The following SLC16A7 variants were observed in gnomAD, a reference collection of about 807,000 sequenced individuals.
The protein encoded by SLC16A7 is solute carrier family 16 member 7.
Under a neutral mutation model 34.9 loss-of-function variants are expected in SLC16A7, and 33 were observed. The ratio of observed to expected loss-of-function variants is 0.94; its 90% CI spans 0.72 to 1.26. The LOEUF (loss-of-function observed/expected upper bound fraction) is 1.26, where lower values mean the gene tolerates loss of function less well. Among genes scored for constraint, SLC16A7 ranks in the 50% most tolerant of loss-of-function variants. SLC16A7 has a pLI of 0.00. For synonymous variants in SLC16A7, 201 were observed against 206.6 expected (o/e 0.97, Z 0.23); for missense variants, 573 against 578.1 (o/e 0.99, Z 0.09).
At position 59,781,543 on chromosome 12, in the gene SLC16A7, A is replaced by T. The variant is rs539996408; in HGVS notation, c.*1864A>T. On this transcript the variant is annotated 3_prime_UTR_variant, in exon 6 of 6. Coordinates refer to ENST00000547379, the MANE Select transcript of SLC16A7 (RefSeq NM_001270623.2). ...TCATTTAACATTTGCTCTTTTGCATATGAAGAGATATTTGTATTTTTCAAA... is the reference window on the plus strand; with the variant it reads ...TCATTTAACATTTGCTCTTTTGCATTTGAAGAGATATTTGTATTTTTCAAA... 8.0e-4 allele frequency: 122 copies of T among 152,704 alleles called. No individual in the cohort carries two copies. Among genetic ancestry groups the T allele is most frequent in the African/African-American group, 2.9e-3 (121 of 41,578 alleles). The allele number at this position is 152,704 out of a possible 1,614,324, so 9.5% of individuals were successfully genotyped here. A position where few individuals can be genotyped will look rare whatever the true frequency, so the allele number is the denominator to read the frequency against.
chr12:59,739,700 C>A (rs971530146), intron 3 of SLC16A7, among the ~76,000 whole-genome samples: 2 of 152,052 alleles, frequency 1.3e-5, no homozygotes, highest in South Asian at 2.1e-4. Context: ...TCCTCTCCAG[C>A]ACCTGTTGTT....
Position 59,780,626 on chromosome 12 carries a change from TTTA to T in SLC16A7, c.*950_*952del, listed in dbSNP as rs1883177645. ...AATCCAGAAAGTAATAATCAGGGATTTTATTTTAATCAGGCATCAATCCAGATT... is the reference window on the plus strand; with the variant it reads ...AATCCAGAAAGTAATAATCAGGGATTTTTTAATCAGGCATCAATCCAGATT... On this transcript the variant is annotated 3_prime_UTR_variant, in exon 6 of 6. Transcript: ENST00000547379. 6.6e-6 allele frequency: 1 copy of T among 152,166 alleles called. No individual in the cohort carries two copies. The highest frequency in any genetic ancestry group is 1.5e-5 in the Non-Finnish European group (1 of 68,016). 9.4% of individuals were successfully genotyped at this position (152,166 alleles called of 1,614,324 possible).
chr12:59,665,842 G>C (rs1351945943), intron 2 of SLC16A7, among the ~76,000 whole-genome samples: 1 of 148,970 alleles, frequency 6.7e-6, no homozygotes, highest in East Asian at 2.0e-4. Context: ...GTGTGTGTGT[G>C]TCTATGTGTG....
chr12:59,748,573 A>C (rs919918606), intron 3 of SLC16A7, among the ~76,000 whole-genome samples: 1 of 152,216 alleles, frequency 6.6e-6, no homozygotes, highest in Non-Finnish European at 1.5e-5. Context: ...CACGGGACCC[A>C]TACAAAGTTG....
chr12:59,772,503 T>C (rs762969977), intron 4 of SLC16A7, among the ~76,000 whole-genome samples: 1 of 151,832 alleles, frequency 6.6e-6, no homozygotes, highest in Non-Finnish European at 1.5e-5. Context: ...AGAATTGTAT[T>C]CCTTTGGCTC....
chr12:59,738,915 T>A (rs978799376), intron 3 of SLC16A7, among the ~76,000 whole-genome samples: 1 of 151,692 alleles, frequency 6.6e-6, no homozygotes, highest in Non-Finnish European at 1.5e-5. Flanking sequence ...ACTTACCCAT[T>A]TATCTATGGA....
At position 59,607,145 on chromosome 12, in the gene SLC16A7, C is replaced by T. The variant is rs116814734; in HGVS notation, c.-130+10909C>T. 8.3e-3 allele frequency among the ~76,000 whole-genome samples: 1,259 copies of T among 151,924 alleles called. 15 individuals carry two copies. Among genetic ancestry groups the T allele is most frequent in the African/African-American group, 0.029 (1,210 of 41,350 alleles). On this transcript the variant is annotated intron_variant, in intron 1 of 5. Coordinates refer to ENST00000547379, the MANE Select transcript of SLC16A7 (RefSeq NM_001270623.2). ...CTGCAAAACCTGACAGTTTTACTATCGCACTTTAGAGAAAAAAAAAATTAT... is the reference window on the plus strand; with the variant it reads ...CTGCAAAACCTGACAGTTTTACTATTGCACTTTAGAGAAAAAAAAAATTAT...
Position 59,632,520 on chromosome 12 carries a change from G to A in SLC16A7, c.-129-22632G>A, listed in dbSNP as rs184432960. ...ATTTAAGGAGGCATTCATTCTTTGG[G>A]GCTCATAAATTTTAATCCTGTACTT... On this transcript the variant is annotated intron_variant, in intron 1 of 5. Transcript: ENST00000547379. Among the ~76,000 whole-genome samples the A allele has an allele frequency of 4.6e-5, 7 of 151,894 alleles. No homozygotes were observed. In the East Asian group the frequency reaches 1.4e-3, roughly 30 times the overall value.
At chr12:59,761,179 T>A in intron 3 of SLC16A7, 1 of 1,280,764 alleles carries the variant, frequency 7.8e-7, no homozygotes, top group Non-Finnish European at 1.0e-6. Flanking sequence ...CAGTGCAGCT[T>A]TACTCAATCA....
rs962804935 is a variant in SLC16A7 at position 59,780,673 on chromosome 12, T to C, written c.*994T>C. 2.6e-5 allele frequency: 4 copies of C among 152,146 alleles called. No individual in the cohort carries two copies. Among genetic ancestry groups the C allele is most frequent in the Admixed American group, 1.3e-4 (2 of 15,254 alleles). 9.4% of individuals were successfully genotyped at this position (152,146 alleles called of 1,614,324 possible). ...CCAGATTCACTGTTATACTGAAATA[T>C]CAAAGTAAAATCCTAGTTGGCAGGA... is the stretch of plus-strand genomic sequence containing the variant. On this transcript the variant is annotated 3_prime_UTR_variant, in exon 6 of 6. Coordinates refer to ENST00000547379, the MANE Select transcript of SLC16A7 (RefSeq NM_001270623.2).
At chr12:59,651,060 A>G (rs1868334805) in intron 1 of SLC16A7, among the ~76,000 whole-genome samples, 1 of 152,146 alleles carries the variant, frequency 6.6e-6, no homozygotes, top group East Asian at 1.9e-4. Flanking sequence ...AAGGTGATAA[A>G]CTGAGCATGG....
intron 1 of SLC16A7, among the ~76,000 whole-genome samples, chr12:59,630,629 C>A (rs1221682491): frequency 6.6e-6 from 1 of 151,858 alleles, no homozygotes; most frequent in Non-Finnish European, 1.5e-5. Flanking sequence ...AGTCAAATTG[C>A]ACTATGAGAA....
intron 3 of SLC16A7, among the ~76,000 whole-genome samples, chr12:59,730,559 A>G (rs750934707): frequency 1.1e-4 from 16 of 152,178 alleles, no homozygotes; most frequent in Middle Eastern, 6.3e-3. Flanking sequence ...TATGTAATGA[A>G]CAAAGGAAAT....
chr12:59,637,371 A>G (rs1288760998), intron 1 of SLC16A7, among the ~76,000 whole-genome samples: 1 of 151,722 alleles, frequency 6.6e-6, no homozygotes, highest in Non-Finnish European at 1.5e-5. Flanking sequence ...AAATCTAATA[A>G]TCTGATATTT....
At chr12:59,774,575 A>G in intron 4 of SLC16A7, 82 bp from the exon 5 acceptor site, 1 of 790,714 alleles carries the variant, frequency 1.3e-6, no homozygotes, top group African/African-American at 1.7e-5. Flanking sequence ...TCCCACTTGA[A>G]TGTACATTTT....
At chr12:59,689,069 T>G (rs1039870320) in intron 2 of SLC16A7, among the ~76,000 whole-genome samples, 1 of 152,058 alleles carries the variant, frequency 6.6e-6, no homozygotes, top group African/African-American at 2.4e-5. Context: ...GGAATTATGC[T>G]ATCATACAGG....
intron 2 of SLC16A7, among the ~76,000 whole-genome samples, chr12:59,662,824 T>A (rs1267339735): frequency 6.6e-6 from 1 of 152,140 alleles, no homozygotes; most frequent in African/African-American, 2.4e-5. Context: ...CAAACATTAA[T>A]CCATAATTTG....
intron 1 of SLC16A7, among the ~76,000 whole-genome samples, chr12:59,616,965 A>G (rs1178153074): frequency 2.6e-5 from 4 of 152,124 alleles, no homozygotes; most frequent in African/African-American, 9.7e-5. Flanking sequence ...GTTATATGTT[A>G]TAGCGTAAAT....
chr12:59,747,619 A>G (rs1252691735), intron 3 of SLC16A7, among the ~76,000 whole-genome samples: 1 of 152,212 alleles, frequency 6.6e-6, no homozygotes, highest in Non-Finnish European at 1.5e-5. Flanking sequence ...GCAATTGTCT[A>G]GCTCACACTT....
Sources: allele counts gnomAD v4.1 joint callset (sites outside exome capture counted in the v4.1 genomes callset), GRCh38; gene constraint gnomAD v4.1.1; transcripts MANE v1.5; gene names NCBI Gene and HGNC (gene_info 2026-07-23, HGNC 2026-07-21).